The following DLG2 variants were observed in gnomAD, a reference collection of about 807,000 sequenced individuals.
The protein encoded by DLG2 is disks large homolog 2.
In DLG2, 45 loss-of-function variants were observed where a neutral mutation model predicts 132.5. That is an observed-to-expected ratio of 0.34 (90% CI 0.27 to 0.44). DLG2 has a LOEUF of 0.44. DLG2 is among the 20% of genes least tolerant of loss of function. DLG2 has a pLI of 1.00. For missense variants in DLG2, 1,045 were observed against 1,196.9 expected, an observed-to-expected ratio of 0.87 and a Z score of 1.87; for synonymous variants, 424 against 419.6, an observed-to-expected ratio of 1.01 and a Z score of -0.13.
chr11:85,069,871 C>T (rs1176351497), intron 6 of DLG2, among the ~76,000 whole-genome samples: 1 of 152,028 alleles, frequency 6.6e-6, no homozygotes, highest in East Asian at 1.9e-4. Context: ...TATTGTGGCA[C>T]TATTCACAAT....
chr11:84,246,316 C>A (rs2097301655), intron 8 of DLG2, among the ~76,000 whole-genome samples: 1 of 152,172 alleles, frequency 6.6e-6, no homozygotes, highest in Non-Finnish European at 1.5e-5. Context: ...TGAGTTATTT[C>A]TTTGTTTAGG....
intron 17 of DLG2, among the ~76,000 whole-genome samples, chr11:83,789,089 A>C (rs746883624): frequency 1.3e-4 from 20 of 152,218 alleles, no homozygotes; most frequent in Non-Finnish European, 2.6e-4. Flanking sequence ...CACAACCAAT[A>C]AAATTAGCAC....
At chr11:84,284,865 T>G (rs2097892632) in intron 7 of DLG2, among the ~76,000 whole-genome samples, 1 of 152,212 alleles carries the variant, frequency 6.6e-6, no homozygotes, top group Non-Finnish European at 1.5e-5. Context: ...CAGCTTGTTC[T>G]CAGCCTTTAG....
intron 6 of DLG2, among the ~76,000 whole-genome samples, chr11:84,945,456 G>A (rs1402327214): frequency 6.6e-6 from 1 of 152,154 alleles, no homozygotes; most frequent in Admixed American, 6.5e-5. Context: ...GCTATGGAGG[G>A]ATGACAAAAA....
intron 14 of DLG2, among the ~76,000 whole-genome samples, chr11:83,944,436 G>C (rs1469235794): frequency 1.3e-5 from 2 of 152,176 alleles, no homozygotes; most frequent in Non-Finnish European, 2.9e-5. Flanking sequence ...GACTAGTCAT[G>C]AAGCCCAAGA....
chr11:84,573,619 A>G (rs1043862246), intron 6 of DLG2, among the ~76,000 whole-genome samples: 8 of 152,180 alleles, frequency 5.3e-5, no homozygotes, highest in Non-Finnish European at 1.2e-4. Context: ...AAATACCACC[A>G]TTCAGGTAAA....
At chr11:84,996,899 T>C (rs2057707098) in intron 6 of DLG2, among the ~76,000 whole-genome samples, 1 of 152,164 alleles carries the variant, frequency 6.6e-6, no homozygotes, top group Non-Finnish European at 1.5e-5. Flanking sequence ...ATGTTATTTA[T>C]AAAGTAGTTC....
At chr11:85,292,721 GA>G (rs2078987755) in intron 3 of DLG2, among the ~76,000 whole-genome samples, 1 of 103,184 alleles carries the variant, frequency 9.7e-6, no homozygotes, top group Non-Finnish European at 2.0e-5. Flanking sequence ...AGGAAGGGAA[GA>G]AAGGGAGGAG....
At chr11:83,746,589 A>T (rs2092929666) in intron 18 of DLG2, among the ~76,000 whole-genome samples, 1 of 150,828 alleles carries the variant, frequency 6.6e-6, no homozygotes, top group African/African-American at 2.5e-5. Context: ...GGGTGGGGGG[A>T]GCGGGGAGGG....
Position 85,362,535 on chromosome 11 carries a change from G to A in DLG2, c.41-77170C>T, listed in dbSNP as rs1410691154. On this transcript the variant is annotated intron_variant, in intron 3 of 27. Coordinates refer to ENST00000376104, the MANE Select transcript of DLG2 (RefSeq NM_001142699.3). ...TTGGTGGAGTCTTTAGAGTTTCCTA[G>A]ATATAAGATCATATCATCAGTGAGC... Among the ~76,000 whole-genome samples the A allele has an allele frequency of 7.2e-5, 11 of 151,802 alleles. No individual in the cohort carries two copies. In the East Asian group the frequency reaches 1.6e-3, roughly 21 times the overall value.
chr11:85,143,246 G>T (rs2076611855), intron 5 of DLG2, among the ~76,000 whole-genome samples: 1 of 151,514 alleles, frequency 6.6e-6, no homozygotes, highest in Admixed American at 6.6e-5. Flanking sequence ...GTCTATTTTG[G>T]TTTCAGATTT....
intron 6 of DLG2, among the ~76,000 whole-genome samples, chr11:84,770,904 G>C (rs997080540): frequency 1.3e-5 from 2 of 151,660 alleles, no homozygotes; most frequent in Non-Finnish European, 2.9e-5. Context: ...TGCCCACCTT[G>C]GCCTCCCATA....
chr11:83,755,282 C>G (rs1193394261), intron 18 of DLG2, among the ~76,000 whole-genome samples: 2 of 151,152 alleles, frequency 1.3e-5, no homozygotes, highest in African/African-American at 4.9e-5. Context: ...TGGCTTTAAG[C>G]TATTCAAAAT....
At chr11:85,403,816 G>A (rs984792262) in intron 3 of DLG2, among the ~76,000 whole-genome samples, 6 of 151,984 alleles carry the variant, frequency 3.9e-5, no homozygotes, top group South Asian at 2.1e-4. Context: ...AAGACCAAAA[G>A]TGGTAAGCTG....
chr11:84,400,930 G>A (rs902573877), intron 7 of DLG2, among the ~76,000 whole-genome samples: 3 of 151,560 alleles, frequency 2.0e-5, no homozygotes, highest in African/African-American at 4.9e-5. Flanking sequence ...CAGCATCATC[G>A]TCATCATCAC....
chr11:83,607,564 T>G (rs2059532160), intron 19 of DLG2, among the ~76,000 whole-genome samples: 1 of 152,196 alleles, frequency 6.6e-6, no homozygotes, highest in African/African-American at 2.4e-5. Flanking sequence ...AGCAAATGGT[T>G]TAGCAATTTA....
At chr11:85,174,485 A>T (rs2079084973) in intron 4 of DLG2, among the ~76,000 whole-genome samples, 1 of 152,200 alleles carries the variant, frequency 6.6e-6, no homozygotes, top group Admixed American at 6.5e-5. Flanking sequence ...AGGGAAATTT[A>T]CAGCACTAAA....
At chr11:84,310,788 C>G (rs541908267) in intron 7 of DLG2, among the ~76,000 whole-genome samples, 29 of 152,304 alleles carry the variant, frequency 1.9e-4, no homozygotes, top group African/African-American at 6.7e-4. Context: ...ATCATTCTGG[C>G]TGAGCATAAA....
rs2082540018 is a variant in DLG2 at position 85,215,659 on chromosome 11, C to T, written c.187-61008G>A. 1.3e-5 allele frequency among the ~76,000 whole-genome samples: 2 copies of T among 152,106 alleles called. 1 individual carries two copies. The highest frequency in any genetic ancestry group is 4.1e-4 in the South Asian group (2 of 4,828). On this transcript the variant is annotated intron_variant, in intron 4 of 27. Transcript: ENST00000376104. ...AACAACCCTTATCTTCCATTAGTTT[C>T]CTCATATATTTACAGTTTGCTACCC...
Sources: gnomAD v4.1 joint callset for allele counts (sites outside exome capture counted in the v4.1 genomes callset) on GRCh38, gnomAD v4.1.1 for gene constraint, MANE v1.5 for transcripts, NCBI Gene and HGNC (gene_info 2026-07-23, HGNC 2026-07-21) for gene names.